The following TSHZ1 variants were observed in gnomAD, a reference collection of about 807,000 sequenced individuals.
The protein encoded by TSHZ1 is teashirt zinc finger homeobox 1.
A neutral mutation model predicts 67.1 loss-of-function variants in TSHZ1; 12 were observed. The observed-to-expected ratio is 0.18, with a 90% CI of 0.11 to 0.29. The LOEUF (loss-of-function observed/expected upper bound fraction) is 0.29, where lower values mean the gene tolerates loss of function less well. Ranked by LOEUF, TSHZ1 falls within the 10% of genes least tolerant of loss-of-function variation. The pLI is 1.00. For missense variants in TSHZ1, 1,305 were observed against 1,413.9 expected (o/e 0.92, Z 1.23); for synonymous variants, 632 against 622.4 (o/e 1.02, Z -0.23).
At chr18:75,212,006 C>T (rs2022700303) in intron 1 of TSHZ1, 90 bp downstream of exon 1, 13 of 1,038,080 alleles carry the variant, frequency 1.3e-5, no homozygotes, top group South Asian at 9.5e-5. Context: ...GGACGTGGGC[C>T]GCGGGCCGCC....
rs530441755 is a variant in TSHZ1, at chr18:75,259,471, A to G, written c.41-25977A>G. Among the ~76,000 whole-genome samples, 24 of 152,274 alleles carry G rather than the reference A, an allele frequency of 1.6e-4. No individual in the cohort carries two copies. The South Asian group carries it at 3.3e-3, about 21-fold the overall frequency. On this transcript the variant is annotated intron_variant, in intron 1 of 1. Coordinates refer to ENST00000580243, the MANE Select transcript of TSHZ1 (RefSeq NM_001308210.2). ...CTACACGGTCCCTCCTAGGACACAA[A>G]TCACCCCTTTGCCCGGCATATCCAG...
chr18:75,241,782 G>T (rs1013983124), intron 1 of TSHZ1, among the ~76,000 whole-genome samples: 5 of 151,670 alleles, frequency 3.3e-5, no homozygotes, highest in Admixed American at 2.0e-4. Context: ...CCCTCTGAAG[G>T]CTCCAGAGGA....
At chr18:75,274,359 G>A (rs111493095) in intron 1 of TSHZ1, among the ~76,000 whole-genome samples, 207 of 152,228 alleles carry the variant, frequency 1.4e-3, no homozygotes, top group African/African-American at 4.5e-3. Context: ...GTGATGGTGG[G>A]GGGCTGGTGA....
At chr18:75,265,405 A>C (rs1320514212) in intron 1 of TSHZ1, among the ~76,000 whole-genome samples, 8 of 152,196 alleles carry the variant, frequency 5.3e-5, no homozygotes, top group Admixed American at 5.2e-4. Flanking sequence ...CCATTTTAGC[A>C]ACCCATTATC....
intron 1 of TSHZ1, among the ~76,000 whole-genome samples, chr18:75,271,171 C>T (rs775290547): frequency 6.9e-4 from 105 of 152,322 alleles, no homozygotes; most frequent in Admixed American, 1.3e-3. Flanking sequence ...AGGGACCTCA[C>T]AGGCAGCCGA....
chr18:75,221,248 G>A (rs912389361), intron 1 of TSHZ1: 2 of 152,140 alleles, frequency 1.3e-5, no homozygotes, highest in East Asian at 1.9e-4. Flanking sequence ...CTATAGGAGC[G>A]AGTGATGGGC....
At chr18:75,212,952 A>C (rs573175586) in intron 1 of TSHZ1, among the ~76,000 whole-genome samples, 4 of 152,378 alleles carry the variant, frequency 2.6e-5, no homozygotes, top group African/African-American at 9.6e-5. Context: ...ATCGCTAAAT[A>C]ATAGAGTAAA....
intron 1 of TSHZ1, among the ~76,000 whole-genome samples, chr18:75,258,410 G>A (rs2023389078): frequency 6.6e-6 from 1 of 152,140 alleles, no homozygotes; most frequent in South Asian, 2.1e-4. Context: ...GTACACATGG[G>A]CATGATTTCC....
intron 1 of TSHZ1, among the ~76,000 whole-genome samples, chr18:75,276,767 T>C (rs764221226): frequency 2.0e-4 from 30 of 152,246 alleles, no homozygotes; most frequent in Non-Finnish European, 4.0e-4. Flanking sequence ...ATTATATAGT[T>C]TCACCAGGTG....
At chr18:75,264,390 G>A (rs745649697) in intron 1 of TSHZ1, among the ~76,000 whole-genome samples, 25 of 151,904 alleles carry the variant, frequency 1.6e-4, no homozygotes, top group Non-Finnish European at 2.9e-4. Flanking sequence ...TATCTCTGCC[G>A]TTCAGATAAC....
chr18:75,213,689 C>T (rs930993942), intron 1 of TSHZ1, among the ~76,000 whole-genome samples: 1 of 151,848 alleles, frequency 6.6e-6, no homozygotes, highest in Non-Finnish European at 1.5e-5. Context: ...GGTAATCCAT[C>T]CTGGCAGCTC....
chr18:75,246,064 G>A (rs938735979), intron 1 of TSHZ1, among the ~76,000 whole-genome samples: 2 of 152,174 alleles, frequency 1.3e-5, no homozygotes, highest in African/African-American at 4.8e-5. Context: ...CACCAGCACC[G>A]AAGCGCCTTT....
At chr18:75,229,827 C>A (rs1215553600) in intron 1 of TSHZ1, among the ~76,000 whole-genome samples, 1 of 152,152 alleles carries the variant, frequency 6.6e-6, no homozygotes, top group Non-Finnish European at 1.5e-5. Flanking sequence ...AAACAAAACC[C>A]AGTGTAACAA....
intron 1 of TSHZ1, chr18:75,244,585 G>A (rs1318619971): frequency 6.6e-6 from 1 of 152,194 alleles, no homozygotes; most frequent in African/African-American, 2.4e-5. Flanking sequence ...AGACCAGGCC[G>A]GCTTTCTCCA....
chr18:75,259,377 T>C (rs1398917090), intron 1 of TSHZ1, among the ~76,000 whole-genome samples: 1 of 152,136 alleles, frequency 6.6e-6, no homozygotes, highest in Non-Finnish European at 1.5e-5. Context: ...AACAGAAAAT[T>C]ACAGAAATAA....
chr18:75,263,904 T>G (rs1041300493), intron 1 of TSHZ1, among the ~76,000 whole-genome samples: 12 of 152,356 alleles, frequency 7.9e-5, no homozygotes, highest in Admixed American at 1.3e-4. Context: ...CTAGCAACAG[T>G]CAGGCATCTA....
In TSHZ1 at chr18:75,272,522, C is replaced by T. The variant is rs570015890; in HGVS notation, c.41-12926C>T. ...TTTCTTTGTAATTGGAAATAATCCT[C>T]TTTCAGAGTGGCCTTCTCTTTGCCT... On this transcript the variant is annotated intron_variant, in intron 1 of 1. Transcript: ENST00000580243. 2.0e-5 allele frequency among the ~76,000 whole-genome samples: 3 copies of T among 152,340 alleles called. No individual in the cohort carries two copies. The South Asian group carries it at 6.2e-4, about 32-fold the overall frequency.
chr18:75,285,322 G>A (rs1212605832), intron 1 of TSHZ1, 126 bp from the exon 2 acceptor site: 6 of 1,186,866 alleles, frequency 5.1e-6, no homozygotes, highest in Admixed American at 3.3e-5. Flanking sequence ...ATGTAAACTT[G>A]GGGTAGCCTT....
chr18:75,230,668 G>C (rs1394610607), intron 1 of TSHZ1, among the ~76,000 whole-genome samples: 1 of 152,198 alleles, frequency 6.6e-6, no homozygotes, highest in Non-Finnish European at 1.5e-5. Context: ...ACGCAGGTAT[G>C]ACCTTAGTGG....
Sources: gnomAD v4.1 joint callset for allele counts (sites outside exome capture counted in the v4.1 genomes callset) on GRCh38, gnomAD v4.1.1 for gene constraint, MANE v1.5 for transcripts, NCBI Gene and HGNC (gene_info 2026-07-23, HGNC 2026-07-21) for gene names.